The following KIAA0319L variants were observed in gnomAD, a reference collection of about 807,000 sequenced individuals.
KIAA0319L encodes dyslexia-associated protein KIAA0319-like protein.
KIAA0319L carries 55 observed loss-of-function variants against 120.1 expected under a neutral mutation model. The observed-to-expected ratio is 0.46, with a 90% confidence interval of 0.37 to 0.57. KIAA0319L has a LOEUF of 0.57. KIAA0319L is among the 20% of genes least tolerant of loss of function. The pLI is 0.00. For missense variants in KIAA0319L, 1,049 were observed against 1,255.3 expected (o/e 0.84, Z 2.48); for synonymous variants, 398 against 471.9 (o/e 0.84, Z 2.03).
At chr1:35,531,853 T>C (rs1558616116) in intron 2 of KIAA0319L, among the ~76,000 whole-genome samples, 1 of 151,852 alleles carries the variant, frequency 6.6e-6, no homozygotes. Flanking sequence ...TGACTACAAG[T>C]AAAAAATGTG....
At position 35,554,461 on chromosome 1, in the gene KIAA0319L, G is replaced by A. The variant is rs1024879953; in HGVS notation, c.31C>T (p.Pro11Ser). The A allele has an allele frequency of 6.2e-6, 10 of 1,612,940 alleles. No individual in the cohort carries two copies. The highest frequency in any genetic ancestry group is 8.5e-6 in the Non-Finnish European group (10 of 1,179,748). The change falls in exon 2 of 21, where the codon CCT becomes TCT. Residue 11 changes from proline (P) to serine (S), a missense_variant. Physicochemically the swap from Pro to Ser is moderately conservative, Grantham distance 74. Transcript: ENST00000325722. MEKRLGVKPN[P>S]ASWILSGYYW... ...TATCCTGATAAAATCCAGGAAGCAG[G>A]ATTTGGCTTGACTCCCAGCCTCTTC... is the stretch of plus-strand genomic sequence containing the variant.
At position 35,506,953 on chromosome 1, in the gene KIAA0319L, C is replaced by T; in HGVS notation, c.325G>A (p.Asp109Asn). Residue 109 changes from aspartate to asparagine, a missense_variant, in exon 3 of 21, where the codon GAC becomes AAC. Coordinates refer to ENST00000325722, the MANE Select transcript of KIAA0319L (RefSeq NM_024874.5). This position sits in a 1 kb window ranked among gnomAD's most constrained non-coding sequence, Gnocchi z 4.0. ...WWLEGMCIQA[D>N]CSRPQSCRAF... ...CGGCAGCTCTGGGGCCTGCTGCAGTCTGCCTGAATGCACATCCCTTCTAGC... is the reference window on the plus strand; with the variant it reads ...CGGCAGCTCTGGGGCCTGCTGCAGTTTGCCTGAATGCACATCCCTTCTAGC... The T allele has an allele frequency of 6.2e-7, 1 of 1,613,770 alleles. No individual in the cohort carries two copies.
At chr1:35,553,866 T>C (rs1243404281) in intron 2 of KIAA0319L, among the ~76,000 whole-genome samples, 2 of 152,166 alleles carry the variant, frequency 1.3e-5, no homozygotes, top group Non-Finnish European at 1.5e-5. Flanking sequence ...CCCCTCTCTA[T>C]GGAAAAAGTA....
At chr1:35,479,746 C>T (rs898474798) in intron 3 of KIAA0319L, among the ~76,000 whole-genome samples, 3 of 151,460 alleles carry the variant, frequency 2.0e-5, no homozygotes, top group African/African-American at 7.3e-5. Flanking sequence ...CTCTACAAAA[C>T]ATAAAAAATT....
intron 5 of KIAA0319L, among the ~76,000 whole-genome samples, chr1:35,471,913 T>C (rs1259614286): frequency 6.6e-6 from 1 of 152,178 alleles, no homozygotes; most frequent in African/African-American, 2.4e-5. Context: ...CCTTCCTTCC[T>C]TCCTCCTCCA....
intron 2 of KIAA0319L, chr1:35,509,770 AATGGAG>A (rs1645352807): frequency 6.5e-6 from 1 of 153,390 alleles, no homozygotes; most frequent in African/African-American, 2.4e-5. Flanking sequence ...ACCCAGGTCG[AATGGAG>A]ATAACCTAAT....
intron 3 of KIAA0319L, among the ~76,000 whole-genome samples, chr1:35,487,584 C>T (rs1056635484): frequency 6.6e-6 from 1 of 152,146 alleles, no homozygotes; most frequent in Non-Finnish European, 1.5e-5. Flanking sequence ...GATAATTGAC[C>T]AAGAATTTGG....
At chr1:35,493,736 T>C (rs746175066) in intron 3 of KIAA0319L, among the ~76,000 whole-genome samples, 9 of 151,708 alleles carry the variant, frequency 5.9e-5, no homozygotes, top group Non-Finnish European at 1.0e-4. Flanking sequence ...TCCCAGCTAG[T>C]TGGGGGGCTG....
Position 35,439,164 on chromosome 1 carries a change from C to G in KIAA0319L, c.2962+1883G>C, listed in dbSNP as rs567043746. ...CCCCTTACTCTGTGGGAAGGTGAAC[C>G]TGTCCATCATGTCACCTTCTTCTAC... On this transcript the variant is annotated intron_variant, in intron 20 of 20. Transcript: ENST00000325722. 3.3e-5 allele frequency: 5 copies of G among 152,380 alleles called. No homozygotes were observed. In the East Asian group the frequency reaches 9.6e-4, roughly 29 times the overall value. The allele number at this position is 152,380 out of a possible 1,614,324, so 9.4% of individuals were successfully genotyped here.
chr1:35,534,867 A>T (rs1438492476), intron 2 of KIAA0319L, among the ~76,000 whole-genome samples: 1 of 143,314 alleles, frequency 7.0e-6, no homozygotes, highest in African/African-American at 2.6e-5. Context: ...TCAAAAAAAA[A>T]AAAAAAAAAA....
At chr1:35,486,679 T>C (rs983747695) in intron 3 of KIAA0319L, among the ~76,000 whole-genome samples, 2 of 144,060 alleles carry the variant, frequency 1.4e-5, no homozygotes, top group Non-Finnish European at 2.9e-5. Context: ...GGTGGGAGGA[T>C]TGCTCAAGGC....
chr1:35,438,445 G>A (rs1640949655), intron 20 of KIAA0319L: 1 of 150,876 alleles, frequency 6.6e-6, no homozygotes, highest in South Asian at 2.1e-4. Context: ...TCAACCCCAA[G>A]GACATTCTAT....
intron 3 of KIAA0319L, among the ~76,000 whole-genome samples, chr1:35,486,781 C>T (rs1326517241): frequency 6.7e-6 from 1 of 148,328 alleles, no homozygotes; most frequent in African/African-American, 2.6e-5. Context: ...AGTGGTGGCA[C>T]ACCCCTGTAG....
intron 16 of KIAA0319L, among the ~76,000 whole-genome samples, chr1:35,445,605 T>C (rs1641563103): frequency 6.6e-6 from 1 of 152,160 alleles, no homozygotes; most frequent in Admixed American, 6.5e-5. Flanking sequence ...ATTAACTTAT[T>C]TAATCCTCAT....
chr1:35,502,771 C>T (rs2148390518), intron 3 of KIAA0319L, among the ~76,000 whole-genome samples: 1 of 152,304 alleles, frequency 6.6e-6, no homozygotes, highest in South Asian at 2.1e-4. Context: ...ACTTCTGTAG[C>T]GCCTTGCTAT....
At position 35,470,798 on chromosome 1, in the gene KIAA0319L, T is replaced by C. The variant is rs1170600923; in HGVS notation, c.1113+65A>G. ...TAAGTGTAGACAGAAAATTATATGA[T>C]ATTCATTTTAGAAAACAGTCAACTC... On this transcript the variant is annotated intron_variant, in intron 6 of 20. Transcript: ENST00000325722. 16 of 950,708 alleles carry C rather than the reference T, an allele frequency of 1.7e-5. No individual in the cohort carries two copies. In the Admixed American group the frequency reaches 2.7e-4, roughly 16 times the overall value. 58.9% of individuals were successfully genotyped at this position (950,708 alleles called of 1,614,324 possible).
upstream of KIAA0319L, chr1:35,557,609 C>G (rs1648319764): frequency 2.2e-6 from 1 of 450,412 alleles, no homozygotes; most frequent in African/African-American, 2.0e-5. Context: ...CAGTCTGCAC[C>G]TTGCCTCCTT....
At chr1:35,543,115 TGAGA>T (rs1159978898) in intron 2 of KIAA0319L, among the ~76,000 whole-genome samples, 1 of 152,258 alleles carries the variant, frequency 6.6e-6, no homozygotes, top group East Asian at 1.9e-4. Context: ...TTAATTTCAC[TGAGA>T]GAGAGACCAA....
chr1:35,502,473 T>C (rs542434875), intron 3 of KIAA0319L, among the ~76,000 whole-genome samples: 32 of 150,886 alleles, frequency 2.1e-4, no homozygotes, highest in Admixed American at 5.3e-4. Context: ...ATCACCATCA[T>C]TAAAGACTAC....
Sources: allele counts gnomAD v4.1 joint callset (sites outside exome capture counted in the v4.1 genomes callset), GRCh38; gene constraint gnomAD v4.1.1; non-coding constraint Gnocchi (gnomAD v3.1); transcripts MANE v1.5; gene names NCBI Gene and HGNC (gene_info 2026-07-23, HGNC 2026-07-21).